The following ZNF804B variants were observed in gnomAD, a reference collection of about 807,000 sequenced individuals.
The protein encoded by ZNF804B is zinc finger protein 804B, also known as zinc finger 804B.
In ZNF804B, 80 loss-of-function variants were observed where a neutral mutation model predicts 101.4. The ratio of observed to expected loss-of-function variants is 0.79; its 90% CI spans 0.66 to 0.95. The LOEUF (loss-of-function observed/expected upper bound fraction) is 0.95, where lower values mean the gene tolerates loss of function less well. Ranked by LOEUF, ZNF804B falls within the 40% of genes least tolerant of loss-of-function variation. The pLI, the probability that ZNF804B is intolerant of heterozygous loss-of-function variation, is 0.00. For missense variants in ZNF804B, 1,673 were observed against 1,561.9 expected (o/e 1.07, Z -1.20); for synonymous variants, 622 against 558.8 (o/e 1.11, Z -1.59).
chr7:89,171,353 T>TCC lies in ZNF804B; in HGVS notation c.109-46802_109-46801insCC, dbSNP rs1791228630. 3.4e-4 allele frequency among the ~76,000 whole-genome samples: 32 copies of TCC among 94,888 alleles called. 1 individual carries two copies. Among genetic ancestry groups the TCC allele is most frequent in the Admixed American group, 8.3e-4 (8 of 9,642 alleles). The allele number at this position is 94,888 out of a possible 152,430, so 62.3% of individuals were successfully genotyped here. On this transcript the variant is annotated intron_variant, in intron 1 of 3. Coordinates refer to ENST00000333190, the MANE Select transcript of ZNF804B (RefSeq NM_181646.5). ...CTTCTTCTTCTTCTTCTTCTTCTTC[T>TCC]TCTTCCTCCTCTTCCTCTTCTTCCT...
At chr7:89,173,077 T>C (rs1011653116) in intron 1 of ZNF804B, among the ~76,000 whole-genome samples, 32 of 152,126 alleles carry the variant, frequency 2.1e-4, no homozygotes, top group African/African-American at 7.0e-4. Flanking sequence ...ATTAATCCTT[T>C]GAACCTTTCT....
intron 1 of ZNF804B, among the ~76,000 whole-genome samples, chr7:89,052,484 T>C (rs761260123): frequency 6.6e-6 from 1 of 152,184 alleles, no homozygotes; most frequent in Admixed American, 6.6e-5. Flanking sequence ...TTCATTATTA[T>C]AGATTTTGAA....
chr7:89,123,887 T>A (rs1438280804), intron 1 of ZNF804B, among the ~76,000 whole-genome samples: 1 of 152,164 alleles, frequency 6.6e-6, no homozygotes, highest in Non-Finnish European at 1.5e-5. Flanking sequence ...TATATTTATA[T>A]AAGACTTTCA....
chr7:89,056,052 T>C (rs1253721991), intron 1 of ZNF804B, among the ~76,000 whole-genome samples: 1 of 152,116 alleles, frequency 6.6e-6, no homozygotes, highest in African/African-American at 2.4e-5. Flanking sequence ...ACTCTCTCCC[T>C]GTAATTGGAA....
intron 1 of ZNF804B, among the ~76,000 whole-genome samples, chr7:88,872,211 T>C (rs975633970): frequency 6.6e-6 from 1 of 152,142 alleles, no homozygotes; most frequent in South Asian, 2.1e-4. Context: ...ATTCAGGCGG[T>C]TTAAGCACAG....
At chr7:89,294,967 C>T (rs1263004952) in intron 2 of ZNF804B, among the ~76,000 whole-genome samples, 1 of 151,852 alleles carries the variant, frequency 6.6e-6, no homozygotes, top group Non-Finnish European at 1.5e-5. Flanking sequence ...ACTCTGTTTC[C>T]TCATGTTCTT....
intron 3 of ZNF804B, among the ~76,000 whole-genome samples, chr7:89,330,582 T>A (rs1396764508): frequency 1.3e-5 from 2 of 151,316 alleles, no homozygotes; most frequent in Non-Finnish European, 3.0e-5. Context: ...CCCACAAAGA[T>A]AAAAACAGGA....
chr7:89,329,416 T>G (rs762688906), intron 3 of ZNF804B, among the ~76,000 whole-genome samples: 74 of 151,602 alleles, frequency 4.9e-4, no homozygotes, highest in South Asian at 6.2e-4. Flanking sequence ...AAAAATAAAA[T>G]AAAAAGAAAA....
chr7:89,246,093 G>A (rs894200418), intron 2 of ZNF804B, among the ~76,000 whole-genome samples: 2 of 152,174 alleles, frequency 1.3e-5, no homozygotes, highest in Non-Finnish European at 2.9e-5. Context: ...CCGCAATGTG[G>A]CCACTTGGGC....
chr7:89,066,405 G>A (rs536160265), intron 1 of ZNF804B, among the ~76,000 whole-genome samples: 1 of 152,200 alleles, frequency 6.6e-6, no homozygotes, highest in East Asian at 1.9e-4. Flanking sequence ...GAACTCTTAA[G>A]TATATAGGGA....
chr7:89,244,546 A>G (rs1789414957), intron 2 of ZNF804B, among the ~76,000 whole-genome samples: 2 of 152,174 alleles, frequency 1.3e-5, no homozygotes, highest in South Asian at 4.1e-4. Flanking sequence ...ATAATAAAAA[A>G]GCTGTAACTC....
At chr7:88,870,762 C>A (rs1385429337) in intron 1 of ZNF804B, among the ~76,000 whole-genome samples, 1 of 152,032 alleles carries the variant, frequency 6.6e-6, no homozygotes, top group East Asian at 1.9e-4. Flanking sequence ...GACCCCTGAT[C>A]AAAACAGTTA....
chr7:89,096,011 C>T (rs1434086863), intron 1 of ZNF804B, among the ~76,000 whole-genome samples: 5 of 151,904 alleles, frequency 3.3e-5, no homozygotes, highest in South Asian at 2.1e-4. Flanking sequence ...AAAAATTAGC[C>T]GGGCATGGTG....
intron 1 of ZNF804B, among the ~76,000 whole-genome samples, chr7:88,916,879 T>G (rs1274337541): frequency 6.6e-6 from 1 of 152,188 alleles, no homozygotes; most frequent in African/African-American, 2.4e-5. Context: ...GTGTTAATAG[T>G]ACTTTGTTTA....
chr7:89,331,512 A>G (rs1790981957), intron 3 of ZNF804B, among the ~76,000 whole-genome samples: 1 of 151,758 alleles, frequency 6.6e-6, no homozygotes, highest in Non-Finnish European at 1.5e-5. Context: ...GAGTTACTGT[A>G]AGGAAGATAA....
In ZNF804B at chr7:88,930,957, C is replaced by T. The variant is rs117182984; in HGVS notation, c.108+170873C>T. Among the ~76,000 whole-genome samples, 417 of 151,956 alleles carry T rather than the reference C, an allele frequency of 2.7e-3. 3 individuals carry two copies. Among genetic ancestry groups the T allele is most frequent in the Non-Finnish European group, 4.4e-3 (299 of 67,840 alleles). The stretch of plus-strand genomic sequence containing the variant: ...TCAGTAGCTATTATAGCCCAGCCAT[C>T]GTTAGCCATTATATTAGCCTTCTCT... On this transcript the variant is annotated intron_variant, in intron 1 of 3. Coordinates refer to ENST00000333190, the MANE Select transcript of ZNF804B (RefSeq NM_181646.5).
chr7:88,932,990 C>T (rs920445552), intron 1 of ZNF804B, among the ~76,000 whole-genome samples: 1 of 151,368 alleles, frequency 6.6e-6, no homozygotes, highest in Non-Finnish European at 1.5e-5. Context: ...AAGCACATAA[C>T]AACAACAAAA....
Position 89,337,735 on chromosome 7 carries a change from T to A in ZNF804B, c.*703T>A, listed in dbSNP as rs994713148. ...AATCTAAAACTAAGAATGTTTAACT[T>A]TTGTATAAAAACATATACAAACTAT... On this transcript the variant is annotated 3_prime_UTR_variant, in exon 4 of 4. Coordinates refer to ENST00000333190, the MANE Select transcript of ZNF804B (RefSeq NM_181646.5). Among the ~76,000 whole-genome samples the A allele has an allele frequency of 2.0e-5, 3 of 152,134 alleles. No individual in the cohort carries two copies. Among genetic ancestry groups the A allele is most frequent in the Admixed American group, 1.3e-4 (2 of 15,272 alleles).
At chr7:89,210,671 G>T (rs1293967353) in intron 1 of ZNF804B, among the ~76,000 whole-genome samples, 2 of 152,164 alleles carry the variant, frequency 1.3e-5, no homozygotes, top group Non-Finnish European at 2.9e-5. Flanking sequence ...CAAAGGACAT[G>T]ATCTCATTCA....
Sources: gnomAD v4.1 joint callset for allele counts (sites outside exome capture counted in the v4.1 genomes callset) on GRCh38, gnomAD v4.1.1 for gene constraint, MANE v1.5 for transcripts, NCBI Gene and HGNC (gene_info 2026-07-23, HGNC 2026-07-21) for gene names.